The following DLG2 variants were observed in gnomAD, a reference collection of about 807,000 sequenced individuals.
DLG2 encodes discs large MAGUK scaffold protein 2, also known as disks large homolog 2.
Under a neutral mutation model 132.5 loss-of-function variants are expected in DLG2, and 45 were observed. The ratio of observed to expected loss-of-function variants is 0.34; its 90% CI spans 0.27 to 0.44. The LOEUF (loss-of-function observed/expected upper bound fraction) is 0.44. Among genes scored for constraint, DLG2 ranks in the 20% least tolerant of loss-of-function variants. The pLI, the probability that DLG2 is intolerant of heterozygous loss-of-function variation, is 1.00. For missense variants in DLG2, 1,045 were observed against 1,196.9 expected, an observed-to-expected ratio of 0.87 and a Z score of 1.87; for synonymous variants, 424 against 419.6, an observed-to-expected ratio of 1.01 and a Z score of -0.13.
chr11:83,612,706 T>C (rs979863753), intron 19 of DLG2, among the ~76,000 whole-genome samples: 1 of 152,154 alleles, frequency 6.6e-6, no homozygotes, highest in Admixed American at 6.5e-5. Context: ...GGTGCCTGAA[T>C]GGAGTCTTGA....
chr11:84,651,515 C>G (rs972586260), intron 6 of DLG2, among the ~76,000 whole-genome samples: 3 of 152,108 alleles, frequency 2.0e-5, no homozygotes, highest in Non-Finnish European at 4.4e-5. Flanking sequence ...TAGAAGCTTT[C>G]AAAGCCATAA....
At chr11:84,581,478 G>T (rs527976770) in intron 6 of DLG2, among the ~76,000 whole-genome samples, 80 of 152,228 alleles carry the variant, frequency 5.3e-4, no homozygotes, top group African/African-American at 1.9e-3. Context: ...TAAAGAAATT[G>T]TTGGGCACAA....
intron 7 of DLG2, among the ~76,000 whole-genome samples, chr11:84,275,941 G>C (rs1266934056): frequency 3.3e-5 from 5 of 152,128 alleles, no homozygotes; most frequent in Non-Finnish European, 7.3e-5. Context: ...GGGGAATTCT[G>C]AGAAAGGAAA....
chr11:85,205,299 A>T (rs967815034), intron 4 of DLG2, among the ~76,000 whole-genome samples: 1 of 151,886 alleles, frequency 6.6e-6, no homozygotes, highest in African/African-American at 2.4e-5. Context: ...GACAAATAAC[A>T]TATGTTCTCA....
At chr11:85,064,523 T>C (rs990089398) in intron 6 of DLG2, among the ~76,000 whole-genome samples, 3 of 151,710 alleles carry the variant, frequency 2.0e-5, no homozygotes, top group African/African-American at 4.8e-5. Context: ...CAGTATAACC[T>C]ATTTTATCTC....
At chr11:84,664,106 C>T (rs1595207250) in intron 6 of DLG2, among the ~76,000 whole-genome samples, 1 of 152,174 alleles carries the variant, frequency 6.6e-6, no homozygotes, top group South Asian at 2.1e-4. Context: ...AAGTGGCAGG[C>T]ACATTTCCAT....
At chr11:84,823,981 C>A (rs2078027431) in intron 6 of DLG2, among the ~76,000 whole-genome samples, 1 of 151,902 alleles carries the variant, frequency 6.6e-6, no homozygotes, top group African/African-American at 2.4e-5. Flanking sequence ...GTGAGAAGCA[C>A]TTGAGTGAGT....
chr11:84,846,011 CTCG>C (rs2081425267), intron 6 of DLG2, among the ~76,000 whole-genome samples: 1 of 151,954 alleles, frequency 6.6e-6, no homozygotes, highest in Non-Finnish European at 1.5e-5. Context: ...TCAAGGTCTT[CTCG>C]TCTTCTTTGC....
chr11:85,156,078 G>A (rs1267177771), intron 4 of DLG2, among the ~76,000 whole-genome samples: 1 of 152,158 alleles, frequency 6.6e-6, no homozygotes, highest in African/African-American at 2.4e-5. Flanking sequence ...AATAGCTATA[G>A]AGACATGTAC....
chr11:85,337,030 A>C (rs1012765195), intron 3 of DLG2, among the ~76,000 whole-genome samples: 6 of 152,192 alleles, frequency 3.9e-5, no homozygotes, highest in African/African-American at 1.4e-4. Context: ...TACATAAATA[A>C]ATAAAAGGCA....
chr11:84,865,430 C>T (rs2084399566), intron 6 of DLG2, among the ~76,000 whole-genome samples: 1 of 152,076 alleles, frequency 6.6e-6, no homozygotes, highest in Non-Finnish European at 1.5e-5. Context: ...CATGTAGAGC[C>T]CAGGAATGCA....
At chr11:85,370,257 T>C (rs1380859724) in intron 3 of DLG2, among the ~76,000 whole-genome samples, 5 of 152,198 alleles carry the variant, frequency 3.3e-5, no homozygotes, top group Non-Finnish European at 7.3e-5. Context: ...TAGATTTACA[T>C]GAAAGGTGTA....
intron 6 of DLG2, among the ~76,000 whole-genome samples, chr11:84,631,650 C>T (rs1372968517): frequency 6.6e-6 from 1 of 152,122 alleles, no homozygotes; most frequent in Non-Finnish European, 1.5e-5. Context: ...TACTTCACTA[C>T]CACTCCCCTG....
intron 7 of DLG2, among the ~76,000 whole-genome samples, chr11:84,513,790 A>G (rs568898281): frequency 1.8e-4 from 27 of 151,856 alleles, no homozygotes; most frequent in African/African-American, 6.5e-4. Flanking sequence ...AAAAAAAAAA[A>G]TCTTGAATAA....
intron 4 of DLG2, among the ~76,000 whole-genome samples, chr11:85,167,369 G>A (rs2078528549): frequency 6.6e-6 from 1 of 152,100 alleles, no homozygotes; most frequent in Non-Finnish European, 1.5e-5. Flanking sequence ...AAACTACAGA[G>A]GTATGAGGTG....
intron 15 of DLG2, among the ~76,000 whole-genome samples, chr11:83,901,568 T>A (rs1177790830): frequency 6.6e-6 from 1 of 152,228 alleles, no homozygotes; most frequent in Non-Finnish European, 1.5e-5. Flanking sequence ...CTATGTAAGA[T>A]GTGCCTTTCA....
At chr11:84,234,775 G>A (rs2097137961) in intron 8 of DLG2, among the ~76,000 whole-genome samples, 1 of 152,144 alleles carries the variant, frequency 6.6e-6, no homozygotes, top group Non-Finnish European at 1.5e-5. Context: ...CAACATGACA[G>A]AGAGCAGGCC....
At chr11:84,908,931 TG>T (rs759914647) in intron 6 of DLG2, among the ~76,000 whole-genome samples, 21 of 151,972 alleles carry the variant, frequency 1.4e-4, no homozygotes, top group Middle Eastern at 6.8e-3. Context: ...AGGCTAAGAC[TG>T]GCTAAATAAC....
At chr11:84,073,530 A>G (rs979646374) in intron 10 of DLG2, among the ~76,000 whole-genome samples, 22 of 152,178 alleles carry the variant, frequency 1.4e-4, no homozygotes, top group African/African-American at 5.1e-4. Flanking sequence ...ACAGTTGCCA[A>G]CGAGAAAGAT....
Sources: allele counts gnomAD v4.1 joint callset (sites outside exome capture counted in the v4.1 genomes callset), GRCh38; gene constraint gnomAD v4.1.1; transcripts MANE v1.5; gene names NCBI Gene and HGNC (gene_info 2026-07-23, HGNC 2026-07-21).